Variants in KCTD16 observed in about 807,000 individuals in gnomAD.
KCTD16 encodes potassium channel tetramerization domain containing 16, also known as BTB/POZ domain-containing protein KCTD16.
In KCTD16, 13 loss-of-function variants were observed where a neutral mutation model predicts 33.2. That is an observed-to-expected ratio of 0.39 (90% CI 0.25 to 0.62). The LOEUF is 0.62. KCTD16 is among the 20% of genes least tolerant of loss of function. The pLI is 0.50. For missense variants in KCTD16, 441 were observed against 525.1 expected, an observed-to-expected ratio of 0.84 and a Z score of 1.57; for synonymous variants, 197 against 195.3, an observed-to-expected ratio of 1.01 and a Z score of -0.07.
Position 144,299,129 on chromosome 5 carries a change from TATATATATATATATATA to T in KCTD16, c.832+91584_832+91600del, listed in dbSNP as rs1279913561. 9.7e-4 allele frequency among the ~76,000 whole-genome samples: 27 copies of T among 27,972 alleles called. 1 individual carries two copies. The highest frequency in any genetic ancestry group is 8.4e-3 in the African/African-American group (23 of 2,748). 18.4% of individuals were successfully genotyped at this position (27,972 alleles called of 152,430 possible). On this transcript the variant is annotated intron_variant, in intron 3 of 3. Coordinates refer to ENST00000512467, the MANE Select transcript of KCTD16 (RefSeq NM_020768.4). ...ATATATATATATATATATATATATATATATATATATATATATATATTTTTTTTTTTTTTTTTAACCTG... is the reference window on the plus strand; with the variant it reads ...ATATATATATATATATATATATATATTATTTTTTTTTTTTTTTTTAACCTG...
At chr5:144,290,774 G>A (rs191060208) in intron 3 of KCTD16, among the ~76,000 whole-genome samples, 161 of 152,176 alleles carry the variant, frequency 1.1e-3, no homozygotes, top group African/African-American at 3.0e-3. Context: ...CATAATTTCA[G>A]CTGATGTTCC....
intron 3 of KCTD16, among the ~76,000 whole-genome samples, chr5:144,225,552 T>TTGTGTGTGTGTGTG (rs10550980): frequency 8.0e-5 from 11 of 138,322 alleles, no homozygotes; most frequent in African/African-American, 1.6e-4. Context: ...CAAAAATAAA[T>TTGTGTGTGTGTGTG]TGTGTGTGTG....
chr5:144,431,838 A>T (rs1047295416), intron 3 of KCTD16, among the ~76,000 whole-genome samples: 2 of 152,178 alleles, frequency 1.3e-5, no homozygotes, highest in African/African-American at 4.8e-5. Context: ...ATTCATGGAA[A>T]AATTGCCTGG....
In KCTD16 at chr5:144,438,760, A is replaced by G. The variant is rs74918606; in HGVS notation, c.833-34900A>G. Among the ~76,000 whole-genome samples the G allele has an allele frequency of 3.5e-3, 533 of 152,338 alleles. 2 individuals carry two copies. Among genetic ancestry groups the G allele is most frequent in the African/African-American group, 0.012 (514 of 41,572 alleles). ...TGTTTTCTGTTACCAGACCAAGGAC[A>G]GAAAGTATGTTTTCTGTTACCAGGC... On this transcript the variant is annotated intron_variant, in intron 3 of 3. Transcript: ENST00000512467.
In KCTD16 at chr5:144,219,648, G is replaced by A. The variant is rs1263283255; in HGVS notation, c.832+12102G>A. On this transcript the variant is annotated intron_variant, in intron 3 of 3. Transcript: ENST00000512467. ...TGATTCTTCTGCCTCAGCCTCCTGA[G>A]TAGCTGGGACTCCAGGCATCCAACA... Among the ~76,000 whole-genome samples, 4 of 150,972 alleles carry A rather than the reference G, an allele frequency of 2.6e-5. No homozygotes were observed. In the East Asian group the frequency reaches 5.9e-4, roughly 22 times the overall value.
intron 3 of KCTD16, among the ~76,000 whole-genome samples, chr5:144,413,901 A>T (rs1752987874): frequency 6.6e-6 from 1 of 152,164 alleles, no homozygotes; most frequent in Admixed American, 6.5e-5. Flanking sequence ...GTCTGTCACT[A>T]GGTCTGTGAA....
chr5:144,390,498 A>G (rs1344431689), intron 3 of KCTD16, among the ~76,000 whole-genome samples: 1 of 151,138 alleles, frequency 6.6e-6, no homozygotes, highest in Non-Finnish European at 1.5e-5. Flanking sequence ...TCAGGAGAGG[A>G]ACTCAAACTG....
intron 3 of KCTD16, among the ~76,000 whole-genome samples, chr5:144,319,395 G>A (rs563200336): frequency 6.6e-6 from 1 of 152,258 alleles, no homozygotes; most frequent in Admixed American, 6.5e-5. Flanking sequence ...AATATTATAA[G>A]TTAAAATGAG....
At chr5:144,223,716 G>A (rs893457104) in intron 3 of KCTD16, among the ~76,000 whole-genome samples, 1 of 151,958 alleles carries the variant, frequency 6.6e-6, no homozygotes, top group East Asian at 1.9e-4. Flanking sequence ...AGAGCATCCC[G>A]AGGTGGAGAG....
chr5:144,353,000 T>G (rs1479537200), intron 3 of KCTD16, among the ~76,000 whole-genome samples: 2 of 152,216 alleles, frequency 1.3e-5, no homozygotes, highest in Non-Finnish European at 2.9e-5. Context: ...GAAGGTAACA[T>G]GCCTTTTAGG....
intron 3 of KCTD16, among the ~76,000 whole-genome samples, chr5:144,436,852 C>T (rs565997191): frequency 1.3e-5 from 2 of 152,150 alleles, no homozygotes; most frequent in African/African-American, 4.8e-5. Flanking sequence ...TCCCAAAGTG[C>T]CAGGATTATA....
chr5:144,244,605 C>G (rs1158779567), intron 3 of KCTD16, among the ~76,000 whole-genome samples: 1 of 152,140 alleles, frequency 6.6e-6, no homozygotes, highest in Non-Finnish European at 1.5e-5. Flanking sequence ...ATTATATCTC[C>G]ATATTAACAA....
intron 3 of KCTD16, among the ~76,000 whole-genome samples, chr5:144,213,363 C>T (rs1753458139): frequency 6.6e-6 from 1 of 151,612 alleles, no homozygotes; most frequent in South Asian, 2.1e-4. Context: ...CTTTTCCCTT[C>T]CCTTCCCTTC....
intron 3 of KCTD16, among the ~76,000 whole-genome samples, chr5:144,430,978 T>C (rs1458434255): frequency 5.3e-5 from 8 of 152,154 alleles, no homozygotes; most frequent in Non-Finnish European, 2.9e-5. Flanking sequence ...ATATTCCATA[T>C]TTTGCATACA....
chr5:144,436,960 G>A (rs1753594138), intron 3 of KCTD16, among the ~76,000 whole-genome samples: 2 of 152,184 alleles, frequency 1.3e-5, no homozygotes, highest in South Asian at 4.2e-4. Context: ...TGTACTACTG[G>A]TATTAATCAA....
intron 2 of KCTD16, among the ~76,000 whole-genome samples, chr5:144,179,277 C>G (rs1026086133): frequency 6.6e-6 from 1 of 152,180 alleles, no homozygotes; most frequent in Non-Finnish European, 1.5e-5. Context: ...ATCAGCCACC[C>G]CACTCAGGCC....
intron 3 of KCTD16, among the ~76,000 whole-genome samples, chr5:144,225,117 G>A (rs1029489891): frequency 1.5e-4 from 23 of 151,982 alleles, no homozygotes; most frequent in Admixed American, 1.3e-4. Context: ...TATCTTTTTC[G>A]AACTGCCAAA....
intron 3 of KCTD16, among the ~76,000 whole-genome samples, chr5:144,293,223 C>A (rs1444893697): frequency 6.6e-6 from 1 of 152,166 alleles, no homozygotes; most frequent in African/African-American, 2.4e-5. Context: ...CTCTTTCCAG[C>A]TTGTCTACTT....
intron 3 of KCTD16, among the ~76,000 whole-genome samples, chr5:144,268,675 A>G (rs1755213244): frequency 6.6e-6 from 1 of 152,206 alleles, no homozygotes; most frequent in African/African-American, 2.4e-5. Context: ...TTCCAAAAAA[A>G]GATAATGACA....
Sources: allele counts gnomAD v4.1 joint callset (sites outside exome capture counted in the v4.1 genomes callset), GRCh38; gene constraint gnomAD v4.1.1; transcripts MANE v1.5; gene names NCBI Gene and HGNC (gene_info 2026-07-23, HGNC 2026-07-21).